The following HDAC4 variants were observed in gnomAD, a reference collection of about 807,000 sequenced individuals.
HDAC4 encodes histone deacetylase A.
In HDAC4, 16 loss-of-function variants were observed where a neutral mutation model predicts 135.1. The observed-to-expected ratio is 0.12, with a 90% confidence interval of 0.08 to 0.18. HDAC4 has a LOEUF of 0.18. Among genes scored for constraint, HDAC4 ranks in the 10% least tolerant of loss-of-function variants. HDAC4 has a pLI of 1.00. For missense variants in HDAC4, 1,143 were observed against 1,511.8 expected, an observed-to-expected ratio of 0.76 and a Z score of 4.05; for synonymous variants, 685 against 653.4, an observed-to-expected ratio of 1.05 and a Z score of -0.74.
chr2:239,189,715 G>T, intron 4 of HDAC4, 118 bp downstream of exon 4: 1 of 957,860 alleles, frequency 1.0e-6, no homozygotes, highest in Non-Finnish European at 1.6e-6. Flanking sequence ...AAGGCCTCCT[G>T]CAGGAACCCT....
chr2:239,310,481 C>T (rs2052820459), intron 2 of HDAC4, among the ~76,000 whole-genome samples: 2 of 152,192 alleles, frequency 1.3e-5, no homozygotes, highest in South Asian at 2.1e-4. Context: ...GTGATGTTCC[C>T]GGGGGGATGG....
At chr2:239,128,591 G>T (rs961855959) in intron 11 of HDAC4, among the ~76,000 whole-genome samples, 1 of 152,162 alleles carries the variant, frequency 6.6e-6, no homozygotes, top group Admixed American at 6.5e-5. Context: ...GTATTACGTG[G>T]GATTGAACTA....
intron 2 of HDAC4, among the ~76,000 whole-genome samples, chr2:239,242,004 C>T (rs568305878): frequency 6.9e-4 from 105 of 151,314 alleles, no homozygotes; most frequent in Admixed American, 2.1e-3. Context: ...TGGCCTTTTA[C>T]TCCGCCACAT....
In HDAC4 at chr2:239,189,280, T is replaced by TA. The variant is rs1476146195; in HGVS notation, c.339+552dup. On this transcript the variant is annotated intron_variant, in intron 4 of 26. Coordinates refer to ENST00000543185, the MANE Select transcript of HDAC4 (RefSeq NM_001378414.1). The stretch of plus-strand genomic sequence containing the variant: ...ATATAACTTTGCTACATATCACTAG[T>TA]ACATATTTCCAATTGATTTAATTTT... Among the ~76,000 whole-genome samples, 119 of 152,368 alleles carry TA rather than the reference T, an allele frequency of 7.8e-4. 1 individual carries two copies. Among genetic ancestry groups the TA allele is most frequent in the African/African-American group, 2.4e-3 (99 of 41,578 alleles).
Position 239,331,249 on chromosome 2 carries a change from TC to T in HDAC4, c.22+21428del, listed in dbSNP as rs1476324166. Among the ~76,000 whole-genome samples the T allele has an allele frequency of 6.6e-6, 1 of 151,950 alleles. No homozygotes were observed. The highest frequency in any genetic ancestry group is 2.4e-5 in the African/African-American group (1 of 41,334). ...TAAAGCTAAATCTGGAATGAATTCT[TC>T]CTTCATATTCGAGGGGAAAACGGTA... On this transcript the variant is annotated intron_variant, in intron 2 of 26. Coordinates refer to ENST00000543185, the MANE Select transcript of HDAC4 (RefSeq NM_001378414.1). The surrounding 1 kb of genome is among the most constrained non-coding windows in gnomAD (Gnocchi z 4.5).
intron 3 of HDAC4, among the ~76,000 whole-genome samples, chr2:239,229,202 C>T (rs949631396): frequency 2.0e-5 from 3 of 152,172 alleles, no homozygotes; most frequent in East Asian, 1.9e-4. Context: ...GGGGCCAATT[C>T]GCCTAATTGC....
Position 239,134,312 on chromosome 2 carries a change from C to T in HDAC4, c.1227G>A (p.Ala409=), listed in dbSNP as rs768442788. 3.9e-5 allele frequency: 63 copies of T among 1,613,586 alleles called. No homozygotes were observed. The highest frequency in any genetic ancestry group is 6.6e-5 in the South Asian group (6 of 91,078). ...TSPLERDGGA[A]HSPLLQHMVL... ...CCATGTGCTGCAGAAGAGGGCTGTGCGCTGCCCCTCCGTCCCGCTCCAAGG... is the reference window on the plus strand; with the variant it reads ...CCATGTGCTGCAGAAGAGGGCTGTGTGCTGCCCCTCCGTCCCGCTCCAAGG... The change falls in exon 11 of 27, where the codon GCG becomes GCA. Residue 409 remains alanine (A), a synonymous_variant. Coordinates refer to ENST00000543185, the MANE Select transcript of HDAC4 (RefSeq NM_001378414.1).
rs1050776600 is a variant in HDAC4 at position 239,167,811 on chromosome 2, C to G, written c.491-3888G>C. Among the ~76,000 whole-genome samples, 38 of 151,982 alleles carry G rather than the reference C, an allele frequency of 2.5e-4. No homozygotes were observed. The highest frequency in any genetic ancestry group is 7.7e-4 in the African/African-American group (32 of 41,414). Reference sequence around the variant, plus strand: ...CTACAGAGGCTCTATGAGATGCCAGCCCGTTCTGGCCAGCAGAGATGAAGC... The same window carrying G: ...CTACAGAGGCTCTATGAGATGCCAGGCCGTTCTGGCCAGCAGAGATGAAGC... On this transcript the variant is annotated intron_variant, in intron 5 of 26. Transcript: ENST00000543185. This position sits in a 1 kb window ranked among gnomAD's most constrained non-coding sequence, Gnocchi z 4.1.
chr2:239,184,591 G>C (rs1414100423), intron 4 of HDAC4, among the ~76,000 whole-genome samples: 17 of 144,470 alleles, frequency 1.2e-4, no homozygotes, highest in Non-Finnish European at 2.3e-4. Flanking sequence ...TATCGGGGGG[G>C]GTCCCTCAGT....
At chr2:239,099,718 C>T (rs1672769542) in intron 16 of HDAC4, among the ~76,000 whole-genome samples, 1 of 152,180 alleles carries the variant, frequency 6.6e-6, no homozygotes, top group East Asian at 1.9e-4. Flanking sequence ...ACAATCCATG[C>T]GCCATCTTCT....
At chr2:239,111,992 C>G (rs968959753) in intron 13 of HDAC4, among the ~76,000 whole-genome samples, 9 of 152,162 alleles carry the variant, frequency 5.9e-5, no homozygotes, top group Non-Finnish European at 1.2e-4. Context: ...CCATGGGTTA[C>G]GTTAACAGGA....
chr2:239,131,766 G>C lies in HDAC4; in HGVS notation c.1294+2479C>G, dbSNP rs2040601833. ...CCTTCTGTGACAATGAGAACATTCA[G>C]GGGACAGCCGTGGGCCGTGCACTGG... On this transcript the variant is annotated intron_variant, in intron 11 of 26. Coordinates refer to ENST00000543185, the MANE Select transcript of HDAC4 (RefSeq NM_001378414.1). 2.0e-5 allele frequency among the ~76,000 whole-genome samples: 3 copies of C among 152,244 alleles called. No homozygotes were observed. The South Asian group carries it at 6.2e-4, about 31-fold the overall frequency.
chr2:239,366,109 C>T (rs1694193630), intron 1 of HDAC4, among the ~76,000 whole-genome samples: 1 of 149,658 alleles, frequency 6.7e-6, no homozygotes, highest in Non-Finnish European at 1.5e-5. Context: ...TCGTCAGGGT[C>T]ACGCGTGTGG....
rs1575667401 is a variant in HDAC4 at position 239,307,823 on chromosome 2, G to A, written c.22+44855C>T. Among the ~76,000 whole-genome samples, 1 of 152,068 alleles carries A rather than the reference G, an allele frequency of 6.6e-6. No individual in the cohort carries two copies. The highest frequency in any genetic ancestry group is 1.9e-4 in the East Asian group (1 of 5,168). On this transcript the variant is annotated intron_variant, in intron 2 of 26. Coordinates refer to ENST00000543185, the MANE Select transcript of HDAC4 (RefSeq NM_001378414.1). The surrounding 1 kb of genome is among the most constrained non-coding windows in gnomAD (Gnocchi z 4.8). ...TCCAGAGGGTTTCCCAGCCTGAAACGCCACCCCACAGCCACTGTGGATTTG... is the reference window on the plus strand; with the variant it reads ...TCCAGAGGGTTTCCCAGCCTGAAACACCACCCCACAGCCACTGTGGATTTG...
chr2:239,401,498 T>C (rs946906283), upstream of HDAC4: 4 of 175,516 alleles, frequency 2.3e-5, no homozygotes, highest in Non-Finnish European at 4.8e-5. Context: ...GCCCCGGCCG[T>C]GTCCGGTCGC....
chr2:239,319,639 T>C (rs950356500), intron 2 of HDAC4, among the ~76,000 whole-genome samples: 3 of 152,206 alleles, frequency 2.0e-5, no homozygotes, highest in Admixed American at 2.0e-4. Flanking sequence ...CACAAAAGAA[T>C]GTCCACAACA....
At chr2:239,130,463 ACGC>A (rs1559484391) in intron 11 of HDAC4, among the ~76,000 whole-genome samples, 6 of 151,988 alleles carry the variant, frequency 3.9e-5, no homozygotes, top group Non-Finnish European at 7.4e-5. Flanking sequence ...TAGCCTTAAG[ACGC>A]TGGTGGCATG....
intron 12 of HDAC4, among the ~76,000 whole-genome samples, chr2:239,121,177 G>A (rs186130276): frequency 1.8e-3 from 280 of 152,162 alleles, no homozygotes; most frequent in African/African-American, 5.4e-3. Context: ...GGCTGGTCTC[G>A]AACTCTTGAG....
At chr2:239,169,612 C>G (rs1423578589) in intron 5 of HDAC4, among the ~76,000 whole-genome samples, 1 of 152,220 alleles carries the variant, frequency 6.6e-6, no homozygotes, top group African/African-American at 2.4e-5. Flanking sequence ...GCTTCAGAAG[C>G]AAGAACACTG....
Sources: allele counts gnomAD v4.1 joint callset (sites outside exome capture counted in the v4.1 genomes callset), GRCh38; gene constraint gnomAD v4.1.1; non-coding constraint Gnocchi (gnomAD v3.1); transcripts MANE v1.5; gene names NCBI Gene and HGNC (gene_info 2026-07-23, HGNC 2026-07-21).